COL5A2: variants seen among roughly 807,000 people sequenced by gnomAD.
COL5A2 encodes the protein collagen alpha-2(V) chain.
A neutral mutation model predicts 208.2 loss-of-function variants in COL5A2; 23 were observed. The ratio of observed to expected loss-of-function variants is 0.11; its 90% CI spans 0.08 to 0.16. COL5A2 has a LOEUF of 0.16. COL5A2 is among the 10% of genes least tolerant of loss of function. The pLI, the probability that COL5A2 is intolerant of heterozygous loss-of-function variation, is 1.00. For missense variants in COL5A2, 1,590 were observed against 1,956.4 expected (o/e 0.81, Z 3.53); for synonymous variants, 625 against 628.5 (o/e 0.99, Z 0.08).
At chr2:189,123,261 G>A (rs1193179792) in intron 1 of COL5A2, among the ~76,000 whole-genome samples, 2 of 152,170 alleles carry the variant, frequency 1.3e-5, no homozygotes, top group Non-Finnish European at 2.9e-5. Context: ...ACTGCGCCAG[G>A]CCTAAAAATT....
the COL5A2 span, among the ~76,000 whole-genome samples, chr2:189,285,847 C>A: frequency 6.6e-6 from 1 of 152,020 alleles, no homozygotes; most frequent in African/African-American, 2.4e-5. Flanking sequence ...TTAATTATAA[C>A]CATGAAGCAA....
chr2:189,139,493 G>A (rs1687894071), intron 1 of COL5A2, among the ~76,000 whole-genome samples: 1 of 152,058 alleles, frequency 6.6e-6, no homozygotes, highest in South Asian at 2.1e-4. Context: ...GGAATGTCTG[G>A]AAACTGTCAT....
At chr2:189,354,221 G>A in the COL5A2 span, among the ~76,000 whole-genome samples, 1 of 152,070 alleles carries the variant, frequency 6.6e-6, no homozygotes, top group Non-Finnish European at 1.5e-5. Context: ...TGTTCATCAG[G>A]GATATTGGCC....
chr2:189,051,220 C>T (rs1249799113), intron 42 of COL5A2, 100 bp downstream of exon 42: 2 of 1,478,314 alleles, frequency 1.4e-6, no homozygotes, highest in Non-Finnish European at 1.9e-6. Flanking sequence ...GGAATGTGCC[C>T]AGCATAATAT....
At chr2:189,384,063 T>TC in the COL5A2 span, among the ~76,000 whole-genome samples, 1 of 152,072 alleles carries the variant, frequency 6.6e-6, no homozygotes, top group African/African-American at 2.4e-5. Context: ...CCATTTCCAT[T>TC]CATGTTTTTG....
chr2:189,248,909 T>A, the COL5A2 span, among the ~76,000 whole-genome samples: 3 of 152,184 alleles, frequency 2.0e-5, no homozygotes, highest in African/African-American at 7.2e-5. Flanking sequence ...TCCACAAGGC[T>A]ATTTTTGTGG....
At chr2:189,182,907 T>C (rs1559139982), upstream of COL5A2, among the ~76,000 whole-genome samples, 1 of 152,196 alleles carries the variant, frequency 6.6e-6, no homozygotes, top group Non-Finnish European at 1.5e-5. Context: ...TTGCAGATGT[T>C]ACTCTGTCAG....
chr2:189,339,768 T>A, the COL5A2 span, among the ~76,000 whole-genome samples: 101 of 152,246 alleles, frequency 6.6e-4, no homozygotes, highest in African/African-American at 2.3e-3. Context: ...AGGTGTGGGG[T>A]CTGACATCTC....
At chr2:189,357,882 G>A in the COL5A2 span, among the ~76,000 whole-genome samples, 1 of 152,072 alleles carries the variant, frequency 6.6e-6, no homozygotes, top group Non-Finnish European at 1.5e-5. Context: ...CCTGGTCTGT[G>A]GGTTGTGAAG....
At chr2:189,339,392 T>C in the COL5A2 span, among the ~76,000 whole-genome samples, 2 of 151,866 alleles carry the variant, frequency 1.3e-5, no homozygotes, top group African/African-American at 2.4e-5. Flanking sequence ...TTGCTAACTG[T>C]TTAAAAATTG....
chr2:189,306,937 T>C, the COL5A2 span, among the ~76,000 whole-genome samples: 1 of 152,194 alleles, frequency 6.6e-6, no homozygotes, highest in Admixed American at 6.5e-5. Context: ...ACCCTCCTCC[T>C]TCATTAACCA....
At position 189,224,280 on chromosome 2, in the gene COL5A2, G is replaced by C. The variant is rs115719229; in HGVS notation, c.-42+868C>G. On this transcript the variant is annotated intron_variant, in intron 1 of 10. Coordinates refer to the COL5A2 transcript ENST00000649966. ...ACTAATCATGTAAAAAATAAAGTTA[G>C]TTCCCTGTCTTACCCCAGGTAATTT... is the stretch of plus-strand genomic sequence containing the variant. Among the ~76,000 whole-genome samples the C allele has an allele frequency of 4.0e-3, 602 of 152,152 alleles. 1 individual carries two copies. The highest frequency in any genetic ancestry group is 6.8e-3 in the Middle Eastern group (2 of 294).
the COL5A2 span, among the ~76,000 whole-genome samples, chr2:189,425,618 T>C: frequency 6.6e-6 from 1 of 152,212 alleles, no homozygotes; most frequent in East Asian, 1.9e-4. Flanking sequence ...TACCACATGA[T>C]ACAATTTGAA....
At chr2:189,247,093 T>C in the COL5A2 span, among the ~76,000 whole-genome samples, 1 of 152,108 alleles carries the variant, frequency 6.6e-6, no homozygotes, top group Admixed American at 6.6e-5. Context: ...TAAAAGAGAT[T>C]ACCTTGGATC....
chr2:189,052,671 TTA>T (rs1226021006), intron 40 of COL5A2, 76 bp downstream of exon 40: 1 of 1,380,290 alleles, frequency 7.2e-7, no homozygotes, highest in African/African-American at 1.4e-5. Context: ...CAGATGAAAA[TTA>T]TCTTTTACAT....
chr2:189,158,663 C>A (rs1335853402), intron 1 of COL5A2, among the ~76,000 whole-genome samples: 1 of 152,030 alleles, frequency 6.6e-6, no homozygotes, highest in South Asian at 2.1e-4. Flanking sequence ...TTCCTTGGAT[C>A]TCTGTGATAC....
At chr2:189,145,227 A>G (rs888553634) in intron 1 of COL5A2, among the ~76,000 whole-genome samples, 4 of 152,184 alleles carry the variant, frequency 2.6e-5, no homozygotes, top group African/African-American at 9.6e-5. Flanking sequence ...CATGGGAACT[A>G]TACTCCAATA....
chr2:189,416,366 G>A, the COL5A2 span, among the ~76,000 whole-genome samples: 2 of 152,144 alleles, frequency 1.3e-5, no homozygotes, highest in East Asian at 1.9e-4. Flanking sequence ...ATACACCATG[G>A]AATACTATGC....
At chr2:189,340,207 G>A in the COL5A2 span, among the ~76,000 whole-genome samples, 8 of 152,094 alleles carry the variant, frequency 5.3e-5, no homozygotes, top group Non-Finnish European at 1.2e-4. Context: ...GTCAGTGGGG[G>A]GCTTAGGACT....
Sources: gnomAD v4.1 joint callset for allele counts (sites outside exome capture counted in the v4.1 genomes callset) on GRCh38, gnomAD v4.1.1 for gene constraint, MANE v1.5 for transcripts, NCBI Gene and HGNC (gene_info 2026-07-23, HGNC 2026-07-21) for gene names.